PHLPP1: variants seen among roughly 807,000 people sequenced by gnomAD.
PHLPP1 encodes PH domain leucine-rich repeat-containing protein phosphatase 1.
In PHLPP1, 42 loss-of-function variants were observed where a neutral mutation model predicts 117.2. The ratio of observed to expected loss-of-function variants is 0.36; its 90% CI spans 0.28 to 0.46. The LOEUF (loss-of-function observed/expected upper bound fraction) is 0.46. PHLPP1 is among the 20% of genes least tolerant of loss of function. The probability of loss-of-function intolerance (pLI) is 1.00; values close to 1 mark genes in which losing one functional copy is unlikely to be tolerated. For synonymous variants in PHLPP1, 1,042 were observed against 970.7 expected, an observed-to-expected ratio of 1.07 and a Z score of -1.37; for missense variants, 2,084 against 2,241.9, an observed-to-expected ratio of 0.93 and a Z score of 1.42.
intron 2 of PHLPP1, among the ~76,000 whole-genome samples, chr18:62,835,656 T>C (rs1366818970): frequency 3.3e-5 from 5 of 152,138 alleles, no homozygotes; most frequent in Admixed American, 3.3e-4. Flanking sequence ...TACTAACAGC[T>C]TTTTCTGCAA....
intron 3 of PHLPP1, among the ~76,000 whole-genome samples, chr18:62,855,242 G>C (rs748938891): frequency 1.3e-5 from 2 of 152,200 alleles, no homozygotes; most frequent in South Asian, 2.1e-4. Context: ...GCTCTGAGGT[G>C]TGCACATGTG....
chr18:62,886,764 G>T (rs887944435), intron 4 of PHLPP1, among the ~76,000 whole-genome samples: 1 of 152,208 alleles, frequency 6.6e-6, no homozygotes, highest in African/African-American at 2.4e-5. Flanking sequence ...CCTGAGTGAT[G>T]CTCATTGCTG....
intron 1 of PHLPP1, among the ~76,000 whole-genome samples, chr18:62,780,202 T>G (rs1444809214): frequency 6.6e-6 from 1 of 152,234 alleles, no homozygotes; most frequent in East Asian, 1.9e-4. Flanking sequence ...AACTGAACAT[T>G]AAAACATCTG....
At chr18:62,786,062 A>C (rs1913274400) in intron 1 of PHLPP1, among the ~76,000 whole-genome samples, 1 of 152,212 alleles carries the variant, frequency 6.6e-6, no homozygotes, top group African/African-American at 2.4e-5. Flanking sequence ...GATAGCCTCT[A>C]GTGTGGTCCC....
At chr18:62,866,899 T>C (rs1263210219) in intron 4 of PHLPP1, among the ~76,000 whole-genome samples, 3 of 152,258 alleles carry the variant, frequency 2.0e-5, no homozygotes, top group African/African-American at 7.2e-5. Flanking sequence ...CCAGCTGTTA[T>C]AGTAAAAGTA....
intron 1 of PHLPP1, among the ~76,000 whole-genome samples, chr18:62,780,295 T>C (rs1913081141): frequency 6.6e-6 from 1 of 152,220 alleles, no homozygotes; most frequent in African/African-American, 2.4e-5. Flanking sequence ...ATACTGTACA[T>C]GATTTATTGG....
chr18:62,951,013 G>A (rs1037827875), intron 12 of PHLPP1, among the ~76,000 whole-genome samples: 1 of 147,862 alleles, frequency 6.8e-6, no homozygotes, highest in African/African-American at 2.5e-5. Context: ...AGTCTCTCTC[G>A]CTCTGTTGCC....
At chr18:62,725,139 A>T (rs1003677766) in intron 1 of PHLPP1, among the ~76,000 whole-genome samples, 1 of 152,110 alleles carries the variant, frequency 6.6e-6, no homozygotes, top group Non-Finnish European at 1.5e-5. Context: ...CGGGCAGATC[A>T]CCTGAGGTCA....
chr18:62,819,632 A>G (rs1371029521), intron 1 of PHLPP1, among the ~76,000 whole-genome samples: 1 of 152,132 alleles, frequency 6.6e-6, no homozygotes, highest in Non-Finnish European at 1.5e-5. Flanking sequence ...TGCCTACAAG[A>G]AACCTATTTT....
At chr18:62,729,494 C>T (rs1170410517) in intron 1 of PHLPP1, among the ~76,000 whole-genome samples, 6 of 152,028 alleles carry the variant, frequency 3.9e-5, no homozygotes, top group South Asian at 4.2e-4. Flanking sequence ...GTCAGGAGTT[C>T]GAGACCCTGT....
Position 62,972,496 on chromosome 18 carries a change from A to C in PHLPP1, c.3561-18A>C, listed in dbSNP as rs370665042. 7.5e-6 allele frequency: 12 copies of C among 1,609,656 alleles called. No homozygotes were observed. In the African/African-American group the frequency reaches 1.1e-4, roughly 14 times the overall value. Reference sequence around the variant, plus strand: ...GGAGGATGAGTGGACTCAGCACAGAAGTGTGGTTGCCTTGCAGGTTGTGTG... The same window carrying C: ...GGAGGATGAGTGGACTCAGCACAGACGTGTGGTTGCCTTGCAGGTTGTGTG... On this transcript the variant is annotated intron_variant, in intron 14 of 16. Transcript: ENST00000262719.
chr18:62,917,396 T>TGTGTGTGTGTGTG (rs1909321733), intron 9 of PHLPP1, among the ~76,000 whole-genome samples: 2,542 of 141,468 alleles, frequency 0.018, 48 homozygotes, highest in Non-Finnish European at 0.024. Flanking sequence ...ACAGTATTCT[T>TGTGTGTGTGTGTG]TGTGTGTGTG....
At chr18:62,780,800 T>C (rs1244346669) in intron 1 of PHLPP1, among the ~76,000 whole-genome samples, 1 of 152,072 alleles carries the variant, frequency 6.6e-6, no homozygotes, top group Non-Finnish European at 1.5e-5. Flanking sequence ...GATTAAGGAG[T>C]CTTCCTTACT....
chr18:62,928,004 T>C (rs1457584165), intron 10 of PHLPP1, among the ~76,000 whole-genome samples: 1 of 152,098 alleles, frequency 6.6e-6, no homozygotes, highest in Non-Finnish European at 1.5e-5. Flanking sequence ...AAGGCAAATA[T>C]TTAGATTGTC....
intron 1 of PHLPP1, among the ~76,000 whole-genome samples, chr18:62,749,113 A>G (rs1249595202): frequency 4.0e-5 from 6 of 151,792 alleles, no homozygotes; most frequent in Non-Finnish European, 1.5e-5. Context: ...ACTTTTCTCT[A>G]GTGTTTTTGC....
At chr18:62,963,614 G>T in intron 14 of PHLPP1, 142 bp downstream of exon 14, 2 of 604,364 alleles carry the variant, frequency 3.3e-6, no homozygotes, top group Non-Finnish European at 5.9e-6. Flanking sequence ...CCAGAGTGAG[G>T]CTCCCTCACG....
chr18:62,715,987 A>G lies in PHLPP1; in HGVS notation c.304A>G (p.Ile102Val), dbSNP rs1910712932. ...RRRRRGAPQP[I>V]AGGAAPVPGA... ...GAGGCGGCGCGGGGCGCCCCAGCCC[A>G]TTGCCGGCGGGGCTGCCCCCGTACC... Residue 102 changes from isoleucine (I) to valine (V), a missense_variant, in exon 1 of 17, where the codon ATT (isoleucine) becomes GTT (valine). Coordinates refer to ENST00000262719, the MANE Select transcript of PHLPP1 (RefSeq NM_194449.4). 7.5e-7 allele frequency: 1 copy of G among 1,336,352 alleles called. No individual in the cohort carries two copies. The highest frequency in any genetic ancestry group is 3.2e-5 in the East Asian group (1 of 31,678). 82.8% of individuals were successfully genotyped at this position (1,336,352 alleles called of 1,614,324 possible). A position where few individuals can be genotyped will look rare whatever the true frequency, so the allele number is the denominator to read the frequency against.
At chr18:62,796,002 ATTGAC>A (rs1913621515) in intron 1 of PHLPP1, among the ~76,000 whole-genome samples, 1 of 152,214 alleles carries the variant, frequency 6.6e-6, no homozygotes, top group Non-Finnish European at 1.5e-5. Flanking sequence ...GCCATGTGAC[ATTGAC>A]ACTTGTCATT....
rs1022249972 is a variant in PHLPP1, at chr18:62,850,359, G to A, written c.1900-10076G>A. Among the ~76,000 whole-genome samples, 9 of 140,924 alleles carry A rather than the reference G, an allele frequency of 6.4e-5. No individual in the cohort carries two copies. The East Asian group carries it at 9.1e-4, about 14-fold the overall frequency. 92.5% of individuals were successfully genotyped at this position (140,924 alleles called of 152,430 possible). A position where few individuals can be genotyped will look rare whatever the true frequency, so the allele number is the denominator to read the frequency against. On this transcript the variant is annotated intron_variant, in intron 3 of 16. Transcript: ENST00000262719. ...GCTGAGATTGAGCTACTGCAATCCC[G>A]GATGGTGATGGAGCAAGACTCCATC...
Sources: gnomAD v4.1 joint callset for allele counts (sites outside exome capture counted in the v4.1 genomes callset) on GRCh38, gnomAD v4.1.1 for gene constraint, MANE v1.5 for transcripts, NCBI Gene and HGNC (gene_info 2026-07-23, HGNC 2026-07-21) for gene names.